Variants in SEPTIN1 observed in about 807,000 individuals in gnomAD.
The protein encoded by SEPTIN1 is septin-1.
A neutral mutation model predicts 50.7 loss-of-function variants in SEPTIN1; 52 were observed. That is an observed-to-expected ratio of 1.03 (90% confidence interval 0.82 to 1.29). The LOEUF (loss-of-function observed/expected upper bound fraction) is 1.29. Among genes scored for constraint, SEPTIN1 ranks in the 50% most tolerant of loss-of-function variants. SEPTIN1 has a pLI of 0.00. For missense variants in SEPTIN1, 455 were observed against 490.7 expected (o/e 0.93, Z 0.69); for synonymous variants, 204 against 189.1 (o/e 1.08, Z -0.65).
rs769436506 is a variant in SEPTIN1, at chr16:30,381,421, C to A, written c.373G>T (p.Asp125Tyr). The change falls in exon 5 of 11, where the codon GAT becomes TAT. Residue 125 changes from aspartate (D) to tyrosine (Y), a missense_variant. Coordinates refer to ENST00000321367, the MANE Select transcript of SEPTIN1 (RefSeq NM_001365977.2). The surrounding 1 kb of genome is among the most constrained non-coding windows in gnomAD (Gnocchi z 4.3). ...IEEQFEQYLR[D>Y]ESGLNRKNIQ... ...TTCTTCCGGTTCAGGCCACTCTCATCCCTAAGGTACTGCTCAAATTGCTCC... is the reference window on the plus strand; with the variant it reads ...TTCTTCCGGTTCAGGCCACTCTCATACCTAAGGTACTGCTCAAATTGCTCC... 1.2e-6 allele frequency: 2 copies of A among 1,613,926 alleles called. No homozygotes were observed. The highest frequency in any genetic ancestry group is 1.7e-6 in the Non-Finnish European group (2 of 1,180,020).
Position 30,381,520 on chromosome 16 carries a change from G to A in SEPTIN1, c.321-47C>T, listed in dbSNP as rs752904386. On this transcript the variant is annotated intron_variant, in intron 4 of 10. Coordinates refer to ENST00000321367, the MANE Select transcript of SEPTIN1 (RefSeq NM_001365977.2). This position sits in a 1 kb window ranked among gnomAD's most constrained non-coding sequence, Gnocchi z 4.3. ...GAGGTCAGAGATCAAAGGCCAGAGG[G>A]CAGGGGGCAAGGCTAGCCAGGACTG... The A allele has an allele frequency of 1.2e-6, 2 of 1,608,022 alleles. No homozygotes were observed. Among genetic ancestry groups the A allele is most frequent in the South Asian group, 1.1e-5 (1 of 90,870 alleles).
chr16:30,379,402 C>A (rs754922578), intron 8 of SEPTIN1, 33 bp downstream of exon 8: 3 of 1,581,618 alleles, frequency 1.9e-6, no homozygotes, highest in South Asian at 2.2e-5. Context: ...GGGCTCCCTG[C>A]TGGCCTTAGG....
intron 8 of SEPTIN1, 95 bp downstream of exon 8, chr16:30,379,340 A>G: frequency 7.0e-7 from 1 of 1,425,964 alleles, no homozygotes; most frequent in Admixed American, 1.8e-5. Flanking sequence ...ATCCCCTGGG[A>G]CCAAAGCCCA....
rs375701584 is a variant in SEPTIN1 at position 30,379,190 on chromosome 16, G to A, written c.776-7C>T. On this transcript the variant is annotated splice_region_variant and splice_polypyrimidine_tract_variant and intron_variant, in intron 8 of 10. Transcript: ENST00000321367. ...CAGTGATGTGGGTTCTCCACTGGAG[G>A]GGGGGCGGCGCGGACCAGCGAACGT... 7 of 1,613,674 alleles carry A rather than the reference G, an allele frequency of 4.3e-6. No individual in the cohort carries two copies. Among genetic ancestry groups the A allele is most frequent in the South Asian group, 2.2e-5 (2 of 91,062 alleles).
Position 30,379,947 on chromosome 16 carries a change from C to T in SEPTIN1, c.660G>A (p.Gln220=), listed in dbSNP as rs748707966. Residue 220 remains glutamine, a synonymous_variant, in exon 7 of 11, where the codon CAG becomes CAA. Transcript: ENST00000321367. ...TTTCCCACACCTTCATCTCTGCATC[C>T]TGCCTCTTGAAGTCTTCATCTTCAT... is the stretch of plus-strand genomic sequence containing the variant. ...DSDEDEDFKR[Q]DAEMKESIPF... is the part of the protein sequence containing the mutation. 4 of 1,565,192 alleles carry T rather than the reference C, an allele frequency of 2.6e-6. No homozygotes were observed. In the African/African-American group the frequency reaches 4.1e-5, roughly 16 times the overall value.
Position 30,381,138 on chromosome 16 carries a change from G to T in SEPTIN1, c.562C>A (p.Leu188Ile). The T allele has an allele frequency of 6.2e-7, 1 of 1,613,644 alleles. No homozygotes were observed. ...GTCATCACTCACACCTTCTGCTTGA[G>T]GGCCTGGGTTTCCTGGGGCATCAGA... Reference protein sequence around the residue: ...DALMPQETQALKQKIRDQLKE... With the variant: ...DALMPQETQAIKQKIRDQLKE... Residue 188 changes from leucine to isoleucine, a missense_variant, in exon 6 of 11, where the codon CTC becomes ATC. Transcript: ENST00000321367. The surrounding 1 kb of genome is among the most constrained non-coding windows in gnomAD (Gnocchi z 4.3).
At position 30,381,749 on chromosome 16, in the gene SEPTIN1, C is replaced by T; in HGVS notation, c.320+11G>A. 6.2e-7 allele frequency: 1 copy of T among 1,613,740 alleles called. No individual in the cohort carries two copies. Among genetic ancestry groups the T allele is most frequent in the South Asian group, 1.1e-5 (1 of 91,034 alleles). On this transcript the variant is annotated intron_variant, in intron 4 of 10. Transcript: ENST00000321367. This position sits in a 1 kb window ranked among gnomAD's most constrained non-coding sequence, Gnocchi z 4.3. ...AAAGGCTGAGCCTCTGTCCCCTTTC[C>T]TCTTCCTCACCAGTCAGAGCAGTCC...
At position 30,381,814 on chromosome 16, in the gene SEPTIN1, T is replaced by C. The variant is rs529590439; in HGVS notation, c.266A>G (p.Lys89Arg). The change falls in exon 4 of 11, where the codon AAG becomes AGG. Residue 89 changes from lysine (K) to arginine (R), a missense_variant. Physicochemically the swap from Lys to Arg is conservative, Grantham distance 26. Transcript: ENST00000321367. The surrounding 1 kb of genome is among the most constrained non-coding windows in gnomAD (Gnocchi z 4.3). ...GCCAGGTGTGTCCACAAGGGTCAGC[T>C]TCACTTTCACACCCCCTTCCTCAAT... ...VEIEEGGVKV[K>R]LTLVDTPGFG... 1 of 1,614,178 alleles carries C rather than the reference T, an allele frequency of 6.2e-7. No homozygotes were observed. The highest frequency in any genetic ancestry group is 1.1e-5 in the South Asian group (1 of 91,088).
chr16:30,380,652 C>T lies in SEPTIN1; in HGVS notation c.573+475G>A, dbSNP rs143441110. The T allele has an allele frequency of 4.1e-3, 700 of 171,366 alleles. 3 individuals carry two copies. Among genetic ancestry groups the T allele is most frequent in the Non-Finnish European group, 7.3e-3 (577 of 78,698 alleles). 10.6% of individuals were successfully genotyped at this position (171,366 alleles called of 1,614,324 possible). On this transcript the variant is annotated intron_variant, in intron 6 of 10. Transcript: ENST00000321367. ...AGGCATGGTGGTGTTCATCTATAGT[C>T]CCTGCTACTCAAGAGGCTGAGGCAG...
In SEPTIN1 at chr16:30,381,302, C is replaced by T; in HGVS notation, c.455+37G>A. On this transcript the variant is annotated intron_variant, in intron 5 of 10. Coordinates refer to ENST00000321367, the MANE Select transcript of SEPTIN1 (RefSeq NM_001365977.2). The surrounding 1 kb of genome is among the most constrained non-coding windows in gnomAD (Gnocchi z 4.3). ...AGGGGGCAGAGACCCCCCAGCCCTCCCTAAATGCGCCAGCCCCCAGGATCC... is the reference window on the plus strand; with the variant it reads ...AGGGGGCAGAGACCCCCCAGCCCTCTCTAAATGCGCCAGCCCCCAGGATCC... 1 of 1,611,706 alleles carries T rather than the reference C, an allele frequency of 6.2e-7. No homozygotes were observed. Among genetic ancestry groups the T allele is most frequent in the African/African-American group, 1.3e-5 (1 of 74,832 alleles).
At chr16:30,379,773 A>T in intron 7 of SEPTIN1, 159 bp downstream of exon 7, 2 of 595,844 alleles carry the variant, frequency 3.4e-6, no homozygotes, top group South Asian at 4.0e-5. Flanking sequence ...CACCTGGCAA[A>T]TTTGTGTATT....
In SEPTIN1 at chr16:30,379,005, C is replaced by T. The variant is rs2049798407; in HGVS notation, c.941+13G>A. The T allele has an allele frequency of 6.2e-7, 1 of 1,610,882 alleles. No individual in the cohort carries two copies. The highest frequency in any genetic ancestry group is 1.3e-5 in the African/African-American group (1 of 74,872). ...ACCTTGGAGGCTCTGATACTGTCCG[C>T]CCCGGGTCTCACCTGCGGCTGGCTC... On this transcript the variant is annotated intron_variant, in intron 9 of 10. Coordinates refer to ENST00000321367, the MANE Select transcript of SEPTIN1 (RefSeq NM_001365977.2).
In SEPTIN1 at chr16:30,381,773, C is replaced by T; in HGVS notation, c.307G>A (p.Asp103Asn). 6.2e-7 allele frequency: 1 copy of T among 1,614,078 alleles called. No individual in the cohort carries two copies. The highest frequency in any genetic ancestry group is 1.1e-5 in the South Asian group (1 of 91,068). The change falls in exon 4 of 11, where the codon GAC (aspartate) becomes AAC (asparagine). Residue 103 changes from aspartate to asparagine, a missense_variant. By Grantham distance (23) the Asp-to-Asn change is conservative. Coordinates refer to ENST00000321367, the MANE Select transcript of SEPTIN1 (RefSeq NM_001365977.2). The surrounding 1 kb of genome is among the most constrained non-coding windows in gnomAD (Gnocchi z 4.3). ...CCTCTTCCTCACCAGTCAGAGCAGTCCACTGAGTCCCCAAAGCCAGGTGTG... is the reference window on the plus strand; with the variant it reads ...CCTCTTCCTCACCAGTCAGAGCAGTTCACTGAGTCCCCAAAGCCAGGTGTG... ...VDTPGFGDSV[D>N]CSDCWLPVVK... is the part of the protein sequence containing the mutation.
Position 30,381,443 on chromosome 16 carries a change from C to T in SEPTIN1, c.351G>A (p.Glu117=), listed in dbSNP as rs2151111493. The T allele has an allele frequency of 1.2e-6, 2 of 1,614,036 alleles. No homozygotes were observed. Among genetic ancestry groups the T allele is most frequent in the South Asian group, 1.1e-5 (1 of 91,062 alleles). The change falls in exon 5 of 11, where the codon GAG becomes GAA. Residue 117 remains glutamate, a synonymous_variant. Transcript: ENST00000321367. This position sits in a 1 kb window ranked among gnomAD's most constrained non-coding sequence, Gnocchi z 4.3. ...CATCCCTAAGGTACTGCTCAAATTG[C>T]TCCTCGATGAATTTCACCACCGGAA... is the stretch of plus-strand genomic sequence containing the variant. ...CWLPVVKFIE[E]QFEQYLRDES...
rs1274995276 is a variant in SEPTIN1 at position 30,381,333 on chromosome 16, C to A, written c.455+6G>T. The A allele has an allele frequency of 1.9e-6, 3 of 1,613,264 alleles. No individual in the cohort carries two copies. The Admixed American group carries it at 5.0e-5, about 27-fold the overall frequency. On this transcript the variant is annotated splice_donor_region_variant and intron_variant, in intron 5 of 10. Transcript: ENST00000321367. This position sits in a 1 kb window ranked among gnomAD's most constrained non-coding sequence, Gnocchi z 4.3. The stretch of plus-strand genomic sequence containing the variant: ...TGCGCCAGCCCCCAGGATCCCCCCA[C>A]CAGACCCCCGGCCGAAGGGTGAGAT...
chr16:30,381,061 A>C lies in SEPTIN1; in HGVS notation c.573+66T>G. On this transcript the variant is annotated intron_variant, in intron 6 of 10. Coordinates refer to ENST00000321367, the MANE Select transcript of SEPTIN1 (RefSeq NM_001365977.2). This position sits in a 1 kb window ranked among gnomAD's most constrained non-coding sequence, Gnocchi z 4.3. ...TCCAGAAAGGCCACTTCAAGATCAA[A>C]GAAGTCTAAGCTGAAATCAGGTTTG... 1 of 1,267,378 alleles carries C rather than the reference A, an allele frequency of 7.9e-7. No homozygotes were observed. The highest frequency in any genetic ancestry group is 1.2e-6 in the Non-Finnish European group (1 of 864,102). 78.5% of individuals were successfully genotyped at this position (1,267,378 alleles called of 1,614,324 possible). A position where few individuals can be genotyped will look rare whatever the true frequency, so the allele number is the denominator to read the frequency against.
chr16:30,381,751 C>T lies in SEPTIN1; in HGVS notation c.320+9G>A, dbSNP rs561777773. 3 of 1,613,836 alleles carry T rather than the reference C, an allele frequency of 1.9e-6. No individual in the cohort carries two copies. The highest frequency in any genetic ancestry group is 1.6e-4 in the Middle Eastern group (1 of 6,062). On this transcript the variant is annotated intron_variant, in intron 4 of 10. Coordinates refer to ENST00000321367, the MANE Select transcript of SEPTIN1 (RefSeq NM_001365977.2). The surrounding 1 kb of genome is among the most constrained non-coding windows in gnomAD (Gnocchi z 4.3). ...AGGCTGAGCCTCTGTCCCCTTTCCT[C>T]TTCCTCACCAGTCAGAGCAGTCCAC...
rs1453043298 is a variant in SEPTIN1 at position 30,382,555 on chromosome 16, C to T, written c.-13G>A. ...CTCCGCCAGCCATCACTGCACCTGC[C>T]GTCTCTCCCCACTTCCTCTGGTGGG... On this transcript the variant is annotated 5_prime_UTR_variant, in exon 1 of 11. Coordinates refer to ENST00000321367, the MANE Select transcript of SEPTIN1 (RefSeq NM_001365977.2). The surrounding 1 kb of genome is among the most constrained non-coding windows in gnomAD (Gnocchi z 4.8). 2.1e-5 allele frequency: 34 copies of T among 1,588,814 alleles called. No individual in the cohort carries two copies. The highest frequency in any genetic ancestry group is 2.7e-5 in the Non-Finnish European group (32 of 1,167,580).
At chr16:30,379,370 G>C (rs1567423413) in intron 8 of SEPTIN1, 65 bp downstream of exon 8, 2 of 1,483,660 alleles carry the variant, frequency 1.3e-6, no homozygotes, top group East Asian at 4.5e-5. Flanking sequence ...CACATGTTGA[G>C]TGCGCCTGAC....
Sources: gnomAD v4.1 joint callset for allele counts on GRCh38, gnomAD v4.1.1 for gene constraint, Gnocchi (gnomAD v3.1) non-coding constraint, MANE v1.5 for transcripts, NCBI Gene and HGNC (gene_info 2026-07-23, HGNC 2026-07-21) for gene names.